Variants in MACO1 observed in about 807,000 individuals in gnomAD.
MACO1 encodes macoilin 1.
Under a neutral mutation model 78.7 loss-of-function variants are expected in MACO1, and 14 were observed. The observed-to-expected ratio is 0.18, with a 90% CI of 0.12 to 0.28. The LOEUF is 0.28. Ranked by LOEUF, MACO1 falls within the 10% of genes least tolerant of loss-of-function variation. The probability of loss-of-function intolerance (pLI) is 1.00; values close to 1 mark genes in which losing one functional copy is unlikely to be tolerated. For synonymous variants in MACO1, 288 were observed against 291.6 expected (o/e 0.99, Z 0.12); for missense variants, 501 against 799.0 (o/e 0.63, Z 4.50).
At chr1:25,471,483 A>C (rs2043271016) in intron 6 of MACO1, among the ~76,000 whole-genome samples, 1 of 152,162 alleles carries the variant, frequency 6.6e-6, no homozygotes, top group Admixed American at 6.6e-5. Context: ...ATTTCTGCAT[A>C]GTTTAAGTTT....
At chr1:25,448,191 G>C (rs981587169) in intron 2 of MACO1, among the ~76,000 whole-genome samples, 4 of 152,132 alleles carry the variant, frequency 2.6e-5, no homozygotes, top group African/African-American at 9.7e-5. Context: ...AGGGCCAGAC[G>C]TGGTGGTTCA....
intron 6 of MACO1, among the ~76,000 whole-genome samples, chr1:25,461,592 AG>A (rs1359731619): frequency 6.6e-6 from 1 of 152,048 alleles, no homozygotes; most frequent in Non-Finnish European, 1.5e-5. Context: ...CTCAAAAAAA[AG>A]GGTGATGTAA....
chr1:25,436,411 A>T (rs6699896), intron 1 of MACO1, among the ~76,000 whole-genome samples: 65,902 of 151,956 alleles, frequency 0.43, 15,624 homozygotes, highest in Non-Finnish European at 0.54. Context: ...TACTGTAATT[A>T]GGTTACTTTT....
At chr1:25,497,711 C>G (rs766237997) in intron 10 of MACO1, among the ~76,000 whole-genome samples, 1 of 152,162 alleles carries the variant, frequency 6.6e-6, no homozygotes, top group Non-Finnish European at 1.5e-5. Context: ...GTGGCAGAAG[C>G]GTATTACTGT....
At chr1:25,436,082 C>G (rs1421793192) in intron 1 of MACO1, among the ~76,000 whole-genome samples, 3 of 152,190 alleles carry the variant, frequency 2.0e-5, no homozygotes, top group Admixed American at 6.5e-5. Context: ...CCTTTTTCTT[C>G]ACATCGATTC....
chr1:25,490,281 G>A (rs2043473212), intron 9 of MACO1, among the ~76,000 whole-genome samples: 1 of 152,182 alleles, frequency 6.6e-6, no homozygotes, highest in Admixed American at 6.5e-5. Flanking sequence ...GCTAAGGAAA[G>A]CTCATATATA....
At chr1:25,463,853 T>A (rs1224685029) in intron 6 of MACO1, among the ~76,000 whole-genome samples, 3 of 152,180 alleles carry the variant, frequency 2.0e-5, no homozygotes, top group Non-Finnish European at 4.4e-5. Context: ...AGATTTTAAT[T>A]TTTAGAACAG....
At chr1:25,463,174 C>A (rs1373727652) in intron 6 of MACO1, among the ~76,000 whole-genome samples, 2 of 152,182 alleles carry the variant, frequency 1.3e-5, no homozygotes, top group African/African-American at 4.8e-5. Flanking sequence ...TTTTTAATAT[C>A]TCTCTACAAA....
chr1:25,449,570 A>G (rs575899030), intron 3 of MACO1, among the ~76,000 whole-genome samples: 18 of 152,064 alleles, frequency 1.2e-4, no homozygotes, highest in African/African-American at 2.2e-4. Context: ...GGGTCTCACT[A>G]TGTTGCCCAG....
intron 1 of MACO1, among the ~76,000 whole-genome samples, chr1:25,439,510 C>A (rs2042949537): frequency 6.6e-6 from 1 of 151,988 alleles, no homozygotes; most frequent in Admixed American, 6.6e-5. Context: ...AGAAAGGTTC[C>A]CTTTGCAGTA....
rs781125600 is a variant in MACO1 at position 25,454,321 on chromosome 1, A to G, written c.412A>G (p.Ile138Val). The change falls in exon 4 of 11, where the codon ATT (isoleucine) becomes GTT (valine). Residue 138 changes from isoleucine (I) to valine (V), a missense_variant. Physicochemically the swap from Ile to Val is conservative, Grantham distance 29 (BLOSUM62 3). Coordinates refer to ENST00000374343, the MANE Select transcript of MACO1 (RefSeq NM_018202.6). ...CCTCTTTGTTTATATTGAAGCAGCC[A>G]TTAGATTTAAAGATCTCAAAAACTT... ...WILFVYIEAA[I>V]RFKDLKNFHV... 4 of 1,611,874 alleles carry G rather than the reference A, an allele frequency of 2.5e-6. No individual in the cohort carries two copies. Among genetic ancestry groups the G allele is most frequent in the South Asian group, 1.1e-5 (1 of 90,486 alleles).
intron 10 of MACO1, among the ~76,000 whole-genome samples, chr1:25,497,831 G>A (rs1029990039): frequency 6.6e-6 from 1 of 152,132 alleles, no homozygotes; most frequent in Non-Finnish European, 1.5e-5. Flanking sequence ...GTTCAAAATC[G>A]CCAGCCCTCT....
chr1:25,481,519 C>T (rs1364126504), intron 6 of MACO1, among the ~76,000 whole-genome samples: 2 of 152,212 alleles, frequency 1.3e-5, no homozygotes, highest in African/African-American at 4.8e-5. Context: ...CCTAAAAACT[C>T]ACCCTTTCTA....
At chr1:25,437,226 C>T (rs1300595198) in intron 1 of MACO1, among the ~76,000 whole-genome samples, 1 of 150,032 alleles carries the variant, frequency 6.7e-6, no homozygotes, top group Admixed American at 6.6e-5. Context: ...CCTTCATCTC[C>T]TGGGTTCAAG....
At chr1:25,497,647 C>T (rs1478428728) in intron 10 of MACO1, among the ~76,000 whole-genome samples, 1 of 152,158 alleles carries the variant, frequency 6.6e-6, no homozygotes, top group African/African-American at 2.4e-5. Context: ...GTCACACTAG[C>T]GTTCCTCCCA....
At position 25,454,438 on chromosome 1, in the gene MACO1, A is replaced by ATGTGTG. The variant is rs71589767; in HGVS notation, c.473+84_473+89dup. ...TGTGTATATGTGTGTATGTATATATATGTGTGTGTGTGTGTGTGTGTGTGT... is the reference window on the plus strand; with the variant it reads ...TGTGTATATGTGTGTATGTATATATATGTGTGTGTGTGTGTGTGTGTGTGTGTGTGT... On this transcript the variant is annotated intron_variant, in intron 4 of 10. Coordinates refer to ENST00000374343, the MANE Select transcript of MACO1 (RefSeq NM_018202.6). 5 of 258,912 alleles carry ATGTGTG rather than the reference A, an allele frequency of 1.9e-5. No homozygotes were observed. In the East Asian group the frequency reaches 3.8e-4, roughly 20 times the overall value. 16.0% of individuals were successfully genotyped at this position (258,912 alleles called of 1,614,324 possible).
chr1:25,485,708 T>G lies in MACO1; in HGVS notation c.1409T>G (p.Val470Gly), dbSNP rs1274662994. The G allele has an allele frequency of 1.2e-6, 2 of 1,614,134 alleles. No homozygotes were observed. The highest frequency in any genetic ancestry group is 1.7e-6 in the Non-Finnish European group (2 of 1,180,022). Reference sequence around the variant, plus strand: ...GCTGAGCAGGAAGCCCGAAGTTTTGTAGAGAAACAGTTAATGGAAGAGAAA... The same window carrying G: ...GCTGAGCAGGAAGCCCGAAGTTTTGGAGAGAAACAGTTAATGGAAGAGAAA... ...LKAEQEARSF[V>G]EKQLMEEKKR... Residue 470 changes from valine to glycine, a missense_variant, in exon 8 of 11, where the codon GTA (valine) becomes GGA (glycine). Transcript: ENST00000374343. This position sits in a 1 kb window ranked among gnomAD's most constrained non-coding sequence, Gnocchi z 4.3.
chr1:25,468,883 C>T (rs1334836363), intron 6 of MACO1, among the ~76,000 whole-genome samples: 2 of 152,206 alleles, frequency 1.3e-5, no homozygotes, highest in Non-Finnish European at 2.9e-5. Flanking sequence ...GAGTCTCACT[C>T]TGTCGCCCAG....
chr1:25,445,520 AAAAT>A (rs1245943209), intron 1 of MACO1, among the ~76,000 whole-genome samples: 1 of 152,160 alleles, frequency 6.6e-6, no homozygotes, highest in Non-Finnish European at 1.5e-5. Flanking sequence ...CAAAGGGCAC[AAAAT>A]AAATCCTCAA....
Sources: allele counts gnomAD v4.1 joint callset (sites outside exome capture counted in the v4.1 genomes callset), GRCh38; gene constraint gnomAD v4.1.1; non-coding constraint Gnocchi (gnomAD v3.1); transcripts MANE v1.5; gene names NCBI Gene and HGNC (gene_info 2026-07-23, HGNC 2026-07-21).